ABCA5: variants seen among roughly 807,000 people sequenced by gnomAD.
The protein encoded by ABCA5 is cholesterol transporter ABCA5.
In ABCA5, 163 loss-of-function variants were observed where a neutral mutation model predicts 206.0. The observed-to-expected ratio is 0.79, with a 90% confidence interval of 0.70 to 0.90. The LOEUF (loss-of-function observed/expected upper bound fraction) is 0.90. Ranked by LOEUF, ABCA5 falls within the 40% of genes least tolerant of loss-of-function variation. The probability of loss-of-function intolerance (pLI) is 0.00; values close to 1 mark genes in which losing one functional copy is unlikely to be tolerated. For missense variants in ABCA5, 1,859 were observed against 1,912.9 expected (o/e 0.97, Z 0.53); for synonymous variants, 609 against 613.8 (o/e 0.99, Z 0.11).
intron 13 of ABCA5, among the ~76,000 whole-genome samples, chr17:69,289,516 C>T (rs78746228): frequency 0.043 from 6,464 of 151,972 alleles, 185 homozygotes; most frequent in Non-Finnish European, 0.066. Context: ...TAACAAGATT[C>T]TTGAGGGAAA....
rs1017267688 is a variant in ABCA5, at chr17:69,245,538, C to T, written c.*1999G>A. On this transcript the variant is annotated 3_prime_UTR_variant, in exon 39 of 39. Transcript: ENST00000392676. The stretch of plus-strand genomic sequence containing the variant: ...TTCCTAAGAATTAAGTTATATTTCT[C>T]CTGAGTCAGATTTTGTTACTGTGAA... 6.6e-6 allele frequency: 1 copy of T among 151,754 alleles called. No individual in the cohort carries two copies. The highest frequency in any genetic ancestry group is 1.5e-5 in the Non-Finnish European group (1 of 67,812). 9.4% of individuals were successfully genotyped at this position (151,754 alleles called of 1,614,324 possible).
intron 32 of ABCA5, 125 bp from the exon 33 acceptor site, chr17:69,253,994 T>A: frequency 1.3e-6 from 1 of 743,894 alleles, no homozygotes; most frequent in Non-Finnish European, 2.2e-6. Flanking sequence ...TATAAGTAGG[T>A]AAGGGCAAAA....
At chr17:69,247,714 C>A (rs2074967282) in intron 38 of ABCA5, 70 bp from the exon 39 acceptor site, 2 of 821,772 alleles carry the variant, frequency 2.4e-6, no homozygotes, top group South Asian at 1.7e-5. Flanking sequence ...TTAACTAAAT[C>A]AGAAATGGTA....
intron 23 of ABCA5, 61 bp downstream of exon 23, chr17:69,267,882 T>C (rs1270100070): frequency 2.3e-6 from 2 of 877,816 alleles, no homozygotes; most frequent in East Asian, 2.5e-5. Context: ...ATCAAGCAAA[T>C]AGGTTATTTT....
chr17:69,275,247 T>C (rs1439400686), intron 19 of ABCA5, among the ~76,000 whole-genome samples: 2 of 152,200 alleles, frequency 1.3e-5, no homozygotes, highest in Non-Finnish European at 2.9e-5. Context: ...CTCATCCTAA[T>C]CGCAATTTTA....
chr17:69,298,048 C>T lies in ABCA5; in HGVS notation c.1268-689G>A, dbSNP rs571657639. 1.3e-4 allele frequency among the ~76,000 whole-genome samples: 20 copies of T among 151,828 alleles called. No homozygotes were observed. The East Asian group carries it at 3.1e-3, about 23-fold the overall frequency. On this transcript the variant is annotated intron_variant, in intron 9 of 38. Coordinates refer to ENST00000392676, the MANE Select transcript of ABCA5 (RefSeq NM_172232.4). ...AAAAATACAAAAAATTAGTCAGATGCGGTGGTGCATGCCTGTAGTCCCAGC... is the reference window on the plus strand; with the variant it reads ...AAAAATACAAAAAATTAGTCAGATGTGGTGGTGCATGCCTGTAGTCCCAGC...
In ABCA5 at chr17:69,301,235, C is replaced by T. The variant is rs747016059; in HGVS notation, c.1171G>A (p.Ala391Thr). ...NEGASFSNLT[A>T]GPYPLIITII... ...GTAATAATTAGAGGATATGGGCCTG[C>T]AGTCAAATTTGAAAATGAAGCACCT... The change falls in exon 9 of 39, where the codon GCA (alanine) becomes ACA (threonine). Residue 391 changes from alanine (A) to threonine (T), a missense_variant. Transcript: ENST00000392676. The T allele has an allele frequency of 6.2e-7, 1 of 1,601,118 alleles. No homozygotes were observed. Among genetic ancestry groups the T allele is most frequent in the South Asian group, 1.1e-5 (1 of 87,990 alleles).
intron 12 of ABCA5, 138 bp downstream of exon 12, chr17:69,291,078 A>G: frequency 6.4e-6 from 3 of 470,912 alleles, no homozygotes; most frequent in Non-Finnish European, 1.1e-5. Flanking sequence ...TACTAAAAAC[A>G]ACCACATGTG....
intron 38 of ABCA5, among the ~76,000 whole-genome samples, chr17:69,247,894 C>T (rs1209308497): frequency 6.6e-6 from 1 of 151,868 alleles, no homozygotes; most frequent in Non-Finnish European, 1.5e-5. Flanking sequence ...ATTTCAAATA[C>T]ACTAATGTGA....
In ABCA5 at chr17:69,244,729, A is replaced by G. The variant is rs186155147; in HGVS notation, c.*2808T>C. The G allele has an allele frequency of 6.6e-6, 1 of 151,660 alleles. No individual in the cohort carries two copies. Among genetic ancestry groups the G allele is most frequent in the Admixed American group, 6.6e-5 (1 of 15,250 alleles). 9.4% of individuals were successfully genotyped at this position (151,660 alleles called of 1,614,324 possible). On this transcript the variant is annotated 3_prime_UTR_variant, in exon 39 of 39. Transcript: ENST00000392676. ...TACAGTATGGTATTTTAACAAACTCAGGGCACAATTAGAATGAAGTTTTGA... is the reference window on the plus strand; with the variant it reads ...TACAGTATGGTATTTTAACAAACTCGGGGCACAATTAGAATGAAGTTTTGA...
chr17:69,309,424 C>T lies in ABCA5; in HGVS notation c.308-1G>A. The T allele has an allele frequency of 6.5e-7, 1 of 1,540,820 alleles. No homozygotes were observed. Among genetic ancestry groups the T allele is most frequent in the Non-Finnish European group, 8.7e-7 (1 of 1,143,024 alleles). ...TTTGTATATTCTTCAGTAATTATGA[C>T]TGTAAGATATCATAACAATATAGTT... On this transcript the variant is annotated splice_acceptor_variant, in intron 3 of 38. Coordinates refer to ENST00000392676, the MANE Select transcript of ABCA5 (RefSeq NM_172232.4). LOFTEE classifies it high-confidence loss of function.
chr17:69,269,573 T>C (rs1323373088), intron 22 of ABCA5, among the ~76,000 whole-genome samples: 2 of 152,122 alleles, frequency 1.3e-5, no homozygotes, highest in Non-Finnish European at 2.9e-5. Flanking sequence ...TAAAAACATA[T>C]GCTCATACAA....
At chr17:69,265,433 T>C (rs1347407201) in intron 23 of ABCA5, among the ~76,000 whole-genome samples, 1 of 152,148 alleles carries the variant, frequency 6.6e-6, no homozygotes, top group Non-Finnish European at 1.5e-5. Context: ...TGGTATAGCA[T>C]ATAAATCTAA....
At position 69,286,323 on chromosome 17, in the gene ABCA5, T is replaced by A; in HGVS notation, c.2042-12A>T. The stretch of plus-strand genomic sequence containing the variant: ...CACAGCTTTCCTATCTGCAGATAAA[T>A]ATTTACATTTCAATTTCTAAAGTAT... On this transcript the variant is annotated splice_polypyrimidine_tract_variant and intron_variant, in intron 15 of 38. Transcript: ENST00000392676. 6.3e-7 allele frequency: 1 copy of A among 1,582,512 alleles called. No homozygotes were observed. Among genetic ancestry groups the A allele is most frequent in the Non-Finnish European group, 8.6e-7 (1 of 1,168,896 alleles).
intron 11 of ABCA5, among the ~76,000 whole-genome samples, chr17:69,293,854 G>A (rs73998226): frequency 0.13 from 15,623 of 123,816 alleles, 870 homozygotes; most frequent in Non-Finnish European, 0.13. Flanking sequence ...GTGTGTGTGT[G>A]TGTGTGTGTG....
chr17:69,285,798 G>C, intron 17 of ABCA5, 100 bp downstream of exon 17: 2 of 1,242,156 alleles, frequency 1.6e-6, no homozygotes, highest in Non-Finnish European at 2.2e-6. Context: ...TGGGAGCATG[G>C]CAATACTACA....
At chr17:69,262,953 A>G (rs553992098) in intron 24 of ABCA5, among the ~76,000 whole-genome samples, 1 of 152,134 alleles carries the variant, frequency 6.6e-6, no homozygotes. Context: ...ATGGTATCTT[A>G]CTGTGGTTTT....
chr17:69,313,115 A>C lies in ABCA5; in HGVS notation c.284T>G (p.Val95Gly). ...ACCATCAGGTAGATGATCAGTAGAC[A>C]CTTTCTGCATGATGCTGCTTGTAAT... ...TNITSSIMQK[V>G]STDHLPDVII... is the part of the protein sequence containing the mutation. Residue 95 changes from valine to glycine, a missense_variant, in exon 3 of 39, where the codon GTG becomes GGG. Coordinates refer to ENST00000392676, the MANE Select transcript of ABCA5 (RefSeq NM_172232.4). 6.2e-7 allele frequency: 1 copy of C among 1,609,904 alleles called. No individual in the cohort carries two copies. The highest frequency in any genetic ancestry group is 8.5e-7 in the Non-Finnish European group (1 of 1,177,808).
At chr17:69,293,257 G>A (rs1167837152) in intron 11 of ABCA5, among the ~76,000 whole-genome samples, 5 of 152,026 alleles carry the variant, frequency 3.3e-5, no homozygotes, top group African/African-American at 4.8e-5. Flanking sequence ...GAAGATTGTG[G>A]GGTCTAGTAA....
Sources: allele counts gnomAD v4.1 joint callset (sites outside exome capture counted in the v4.1 genomes callset), GRCh38; gene constraint gnomAD v4.1.1; transcripts MANE v1.5; gene names NCBI Gene and HGNC (gene_info 2026-07-23, HGNC 2026-07-21).